Variants in NDFIP1 observed in about 807,000 individuals in gnomAD.
NDFIP1 encodes the protein Nedd4 family interacting protein 1.
In NDFIP1, 7 loss-of-function variants were observed where a neutral mutation model predicts 28.8. That is an observed-to-expected ratio of 0.24 (90% confidence interval 0.14 to 0.46). NDFIP1 has a LOEUF of 0.46. Ranked by LOEUF, NDFIP1 falls within the 20% of genes least tolerant of loss-of-function variation. NDFIP1 has a pLI of 0.99. For missense variants in NDFIP1, 194 were observed against 269.1 expected, an observed-to-expected ratio of 0.72 and a Z score of 1.95; for synonymous variants, 92 against 101.0, an observed-to-expected ratio of 0.91 and a Z score of 0.53.
At position 142,108,987 on chromosome 5, in the gene NDFIP1, T is replaced by G. The variant is rs112931038; in HGVS notation, c.13T>G (p.Leu5Val). Residue 5 changes from leucine to valine, a missense_variant, in exon 1 of 8, where the codon TTG becomes GTG. Physicochemically the swap from Leu to Val is conservative, Grantham distance 32. Coordinates refer to ENST00000253814, the MANE Select transcript of NDFIP1 (RefSeq NM_030571.4). MALALAALAAVEPAC... is the reference protein window; with the variant it reads MALAVAALAAVEPAC... ...TGCCGGCTGCGCCATGGCGTTGGCG[T>G]TGGCGGCGCTGGCGGCGGTCGAGCC... 3,553 of 1,446,634 alleles carry G rather than the reference T, an allele frequency of 2.5e-3. 85 individuals are homozygous for G. The African/African-American group carries it at 0.047, about 19-fold the overall frequency. The allele number at this position is 1,446,634 out of a possible 1,614,324, so 89.6% of individuals were successfully genotyped here.
At position 142,146,704 on chromosome 5, in the gene NDFIP1, G is replaced by A. The variant is rs530505905; in HGVS notation, c.*2+2028G>A. On this transcript the variant is annotated intron_variant, in intron 7 of 7. Coordinates refer to ENST00000253814, the MANE Select transcript of NDFIP1 (RefSeq NM_030571.4). ...GATCACACCTCTGTCTATTCTCTTTGTTCTTCAGTTAGAAAGAAATCTGAA... is the reference window on the plus strand; with the variant it reads ...GATCACACCTCTGTCTATTCTCTTTATTCTTCAGTTAGAAAGAAATCTGAA... Among the ~76,000 whole-genome samples, 26 of 152,212 alleles carry A rather than the reference G, an allele frequency of 1.7e-4. 1 individual carries two copies. Among genetic ancestry groups the A allele is most frequent in the South Asian group, 1.5e-3 (7 of 4,822 alleles).
chr5:142,150,909 T>C (rs542737322), intron 7 of NDFIP1, among the ~76,000 whole-genome samples: 8 of 152,200 alleles, frequency 5.3e-5, no homozygotes, highest in Non-Finnish European at 4.4e-5. Context: ...TGTATCTCTT[T>C]AGTGTTTCTT....
intron 1 of NDFIP1, among the ~76,000 whole-genome samples, chr5:142,115,459 AT>A (rs1259684954): frequency 1.3e-5 from 2 of 151,770 alleles, no homozygotes; most frequent in African/African-American, 4.8e-5. Context: ...AATTTTTTGT[AT>A]TTTTCGTAGA....
chr5:142,119,490 TTTTGTCAC>T (rs1757101860), intron 1 of NDFIP1, among the ~76,000 whole-genome samples: 2 of 152,262 alleles, frequency 1.3e-5, no homozygotes, highest in African/African-American at 4.8e-5. Flanking sequence ...AGTTATCTTG[TTTTGTCAC>T]ATTTTGCATA....
In NDFIP1 at chr5:142,144,627, G is replaced by A; in HGVS notation, c.619G>A (p.Glu207Lys). 3 of 1,613,184 alleles carry A rather than the reference G, an allele frequency of 1.9e-6. No homozygotes were observed. Among genetic ancestry groups the A allele is most frequent in the Non-Finnish European group, 2.5e-6 (3 of 1,179,570 alleles). Residue 207 changes from glutamate (E) to lysine (K), a missense_variant, in exon 7 of 8, where the codon GAA (glutamate) becomes AAA (lysine). Transcript: ENST00000253814. Reference sequence around the variant, plus strand: ...TTATGCAAAAGTTCGGAAGATGCCAGAAACTTTCTCAAATCTCCCCAGGAC... The same window carrying A: ...TTATGCAAAAGTTCGGAAGATGCCAAAAACTTTCTCAAATCTCCCCAGGAC... ...INYAKVRKMPETFSNLPRTRV... is the reference protein window; with the variant it reads ...INYAKVRKMPKTFSNLPRTRV...
chr5:142,117,182 T>C (rs990461812), intron 1 of NDFIP1, among the ~76,000 whole-genome samples: 2 of 152,050 alleles, frequency 1.3e-5, no homozygotes, highest in African/African-American at 4.8e-5. Context: ...GGACAATTTA[T>C]GAATAGAGAT....
At chr5:142,141,392 G>A (rs987246659) in intron 6 of NDFIP1, among the ~76,000 whole-genome samples, 8 of 151,750 alleles carry the variant, frequency 5.3e-5, no homozygotes, top group African/African-American at 1.2e-4. Flanking sequence ...TGGCCAGGAT[G>A]GTCTCGATCT....
Position 142,151,805 on chromosome 5 carries a change from A to G in NDFIP1, c.*77A>G, listed in dbSNP as rs1163281613. 1 of 152,808 alleles carries G rather than the reference A, an allele frequency of 6.5e-6. No homozygotes were observed. The highest frequency in any genetic ancestry group is 2.4e-5 in the African/African-American group (1 of 41,460). 9.5% of individuals were successfully genotyped at this position (152,808 alleles called of 1,614,324 possible). A position where few individuals can be genotyped will look rare whatever the true frequency, so the allele number is the denominator to read the frequency against. ...GCAAGAGAACACCTGCAGGAAGTGA[A>G]TCAAGATGCAGAACACAGAGGAATA... On this transcript the variant is annotated 3_prime_UTR_variant, in exon 8 of 8. Transcript: ENST00000253814.
chr5:142,149,188 G>T (rs1757421105), intron 7 of NDFIP1, among the ~76,000 whole-genome samples: 1 of 152,044 alleles, frequency 6.6e-6, no homozygotes, highest in Admixed American at 6.5e-5. Flanking sequence ...TTTTTTCCAT[G>T]TGATAACAGA....
intron 3 of NDFIP1, 112 bp downstream of exon 3, chr5:142,132,454 T>A (rs76426931): frequency 0.1 from 135,683 of 1,324,504 alleles, 9,655 homozygotes; most frequent in East Asian, 0.36. Context: ...AAAGTAGAGC[T>A]AATTTTAAAA....
chr5:142,144,804 C>T (rs1757371660), intron 7 of NDFIP1, 128 bp downstream of exon 7: 3 of 531,326 alleles, frequency 5.6e-6, no homozygotes, highest in Non-Finnish European at 1.0e-5. Context: ...CAGTCCCTGC[C>T]TTTTAGCAGT....
At chr5:142,140,472 G>T in intron 5 of NDFIP1, 91 bp from the exon 6 acceptor site, 95 of 863,800 alleles carry the variant, frequency 1.1e-4, no homozygotes, top group Non-Finnish European at 1.6e-4. Context: ...AAAAGAATAA[G>T]TCTTGCATTT....
rs148023199 is a variant in NDFIP1, at chr5:142,134,224, C to T, written c.283-1506C>T. 6.3e-3 allele frequency among the ~76,000 whole-genome samples: 963 copies of T among 152,210 alleles called. 11 individuals carry two copies. The highest frequency in any genetic ancestry group is 7.6e-3 in the Non-Finnish European group (519 of 68,002). On this transcript the variant is annotated intron_variant, in intron 3 of 7. Transcript: ENST00000253814. ...TGGTGTTTTGGAAACATTAACTTGGCAGCAATTTCTAGGATGCATCATGGT... is the reference window on the plus strand; with the variant it reads ...TGGTGTTTTGGAAACATTAACTTGGTAGCAATTTCTAGGATGCATCATGGT...
intron 5 of NDFIP1, among the ~76,000 whole-genome samples, chr5:142,140,293 A>T (rs1327483594): frequency 6.6e-6 from 1 of 152,008 alleles, no homozygotes; most frequent in Non-Finnish European, 1.5e-5. Flanking sequence ...TACTAAAAAT[A>T]TAAAGTTAGC....
intron 1 of NDFIP1, among the ~76,000 whole-genome samples, chr5:142,122,971 T>C (rs1436267673): frequency 1.3e-5 from 2 of 152,150 alleles, no homozygotes; most frequent in African/African-American, 4.8e-5. Flanking sequence ...TTTGGTTTTG[T>C]TTTGTGTTTT....
intron 3 of NDFIP1, among the ~76,000 whole-genome samples, chr5:142,133,148 A>G (rs912980804): frequency 6.6e-6 from 1 of 152,204 alleles, no homozygotes; most frequent in African/African-American, 2.4e-5. Context: ...AAGATAGTAG[A>G]CAGTTTGCAG....
At chr5:142,146,096 C>T (rs541414629) in intron 7 of NDFIP1, among the ~76,000 whole-genome samples, 7 of 152,236 alleles carry the variant, frequency 4.6e-5, no homozygotes, top group African/African-American at 1.7e-4. Context: ...AATTAACACT[C>T]ATGGAGTTTT....
intron 1 of NDFIP1, among the ~76,000 whole-genome samples, chr5:142,116,007 A>T (rs1218854719): frequency 1.2e-4 from 19 of 152,210 alleles, no homozygotes; most frequent in Non-Finnish European, 2.8e-4. Context: ...TAAATACTAT[A>T]CCATTTTATG....
chr5:142,140,743 A>C (rs531657402), intron 6 of NDFIP1, 114 bp downstream of exon 6: 1 of 738,956 alleles, frequency 1.4e-6, no homozygotes, highest in South Asian at 2.5e-5. Context: ...ATTAACAATT[A>C]ATAATAAACA....
Sources: gnomAD v4.1 joint callset for allele counts (sites outside exome capture counted in the v4.1 genomes callset) on GRCh38, gnomAD v4.1.1 for gene constraint, MANE v1.5 for transcripts, NCBI Gene and HGNC (gene_info 2026-07-23, HGNC 2026-07-21) for gene names.